Variants in PDE11A observed in about 807,000 individuals in gnomAD.
PDE11A encodes phosphodiesterase 11A.
A neutral mutation model predicts 100.5 loss-of-function variants in PDE11A; 100 were observed. The observed-to-expected ratio is 1.00, with a 90% CI of 0.85 to 1.18. The LOEUF (loss-of-function observed/expected upper bound fraction) is 1.18, where lower values mean the gene tolerates loss of function less well. Among genes scored for constraint, PDE11A ranks in the 50% most tolerant of loss-of-function variants. The pLI is 0.00. For missense variants in PDE11A, 1,141 were observed against 1,152.6 expected (o/e 0.99, Z 0.15); for synonymous variants, 381 against 420.8 (o/e 0.91, Z 1.16).
intron 2 of PDE11A, among the ~76,000 whole-genome samples, chr2:177,921,446 A>AT (rs2085043742): frequency 6.6e-6 from 1 of 150,728 alleles, no homozygotes; most frequent in African/African-American, 2.4e-5. Context: ...AATAAATAAT[A>AT]TTTTGCATAA....
intron 15 of PDE11A, chr2:177,687,458 C>T (rs925360948): frequency 1.3e-5 from 2 of 152,196 alleles, no homozygotes; most frequent in Non-Finnish European, 2.9e-5. Flanking sequence ...CTTGCTTTTT[C>T]CATTCAATGC....
In PDE11A at chr2:178,013,204, T is replaced by A. The variant is rs114202362; in HGVS notation, c.1071+1098A>T. 1.6e-3 allele frequency among the ~76,000 whole-genome samples: 237 copies of A among 152,314 alleles called. 3 individuals carry two copies. Among genetic ancestry groups the A allele is most frequent in the African/African-American group, 5.5e-3 (229 of 41,580 alleles). Reference sequence around the variant, plus strand: ...CAACTTGCTGATGATTCTTGTCTCCTGCCTTGTGTAGCTCCTGGATGACAT... The same window carrying A: ...CAACTTGCTGATGATTCTTGTCTCCAGCCTTGTGTAGCTCCTGGATGACAT... On this transcript the variant is annotated intron_variant, in intron 2 of 19. Transcript: ENST00000286063.
chr2:177,920,246 T>C (rs890783337), intron 2 of PDE11A, among the ~76,000 whole-genome samples: 6 of 151,952 alleles, frequency 3.9e-5, no homozygotes, highest in Non-Finnish European at 7.4e-5. Flanking sequence ...TATCTCAATA[T>C]GTAAAATAAA....
intron 2 of PDE11A, among the ~76,000 whole-genome samples, chr2:177,999,511 T>C (rs1406602369): frequency 2.6e-5 from 4 of 152,160 alleles, no homozygotes; most frequent in Non-Finnish European, 4.4e-5. Flanking sequence ...AGAAGACAGA[T>C]ATGGATAGGT....
At chr2:177,888,136 G>T (rs922024755) in intron 4 of PDE11A, among the ~76,000 whole-genome samples, 4 of 152,184 alleles carry the variant, frequency 2.6e-5, no homozygotes, top group Non-Finnish European at 5.9e-5. Context: ...AGTTTTCATG[G>T]AATTTGCTAA....
intron 5 of PDE11A, among the ~76,000 whole-genome samples, chr2:177,853,856 A>G: frequency 6.9e-6 from 1 of 144,794 alleles, no homozygotes; most frequent in Non-Finnish European, 1.5e-5. Context: ...ATGTGTATAT[A>G]TATCTATATA....
intron 4 of PDE11A, among the ~76,000 whole-genome samples, chr2:177,878,453 G>T (rs1330675772): frequency 6.6e-6 from 1 of 152,150 alleles, no homozygotes; most frequent in African/African-American, 2.4e-5. Context: ...GATGAAATAT[G>T]TGTGCTTGGA....
intron 2 of PDE11A, among the ~76,000 whole-genome samples, chr2:178,009,199 C>T (rs1242121488): frequency 6.6e-6 from 1 of 152,148 alleles, no homozygotes; most frequent in Non-Finnish European, 1.5e-5. Flanking sequence ...ATAATACCTT[C>T]CATCAATCAC....
intron 5 of PDE11A, among the ~76,000 whole-genome samples, chr2:177,872,112 C>T (rs943569472): frequency 7.2e-5 from 11 of 152,114 alleles, no homozygotes; most frequent in African/African-American, 2.7e-4. Flanking sequence ...ACAGAGACTG[C>T]TTTTAATTTT....
At chr2:177,635,181 A>G (rs1333035145) in intron 19 of PDE11A, among the ~76,000 whole-genome samples, 2 of 152,216 alleles carry the variant, frequency 1.3e-5, no homozygotes, top group Admixed American at 6.5e-5. Context: ...ACTGAAATCT[A>G]TACCCCTGTA....
chr2:177,748,470 T>C (rs770375726), intron 10 of PDE11A, among the ~76,000 whole-genome samples: 7 of 152,206 alleles, frequency 4.6e-5, no homozygotes, highest in African/African-American at 1.7e-4. Flanking sequence ...TTCTATCTTA[T>C]CTATTTGCGT....
intron 16 of PDE11A, 134 bp downstream of exon 16, chr2:177,680,692 C>A: frequency 1.8e-6 from 1 of 571,412 alleles, no homozygotes; most frequent in Non-Finnish European, 3.1e-6. Flanking sequence ...TTCAACTGAT[C>A]TCTGAATGTT....
At position 177,628,529 on chromosome 2, in the gene PDE11A, T is replaced by A. The variant is rs1192767911; in HGVS notation, c.*878A>T. The A allele has an allele frequency of 6.6e-6, 1 of 152,428 alleles. No individual in the cohort carries two copies. Among genetic ancestry groups the A allele is most frequent in the Admixed American group, 6.5e-5 (1 of 15,290 alleles). 9.4% of individuals were successfully genotyped at this position (152,428 alleles called of 1,614,324 possible). A position where few individuals can be genotyped will look rare whatever the true frequency, so the allele number is the denominator to read the frequency against. ...TTACTGGTAGTAATCTTAAATTTTATACCAGAACTCCTCACTAGGAGAACT... is the reference window on the plus strand; with the variant it reads ...TTACTGGTAGTAATCTTAAATTTTAAACCAGAACTCCTCACTAGGAGAACT... On this transcript the variant is annotated 3_prime_UTR_variant, in exon 20 of 20. Coordinates refer to ENST00000286063, the MANE Select transcript of PDE11A (RefSeq NM_016953.4).
At chr2:178,061,676 T>C (rs2105865895) in intron 1 of PDE11A, among the ~76,000 whole-genome samples, 1 of 152,338 alleles carries the variant, frequency 6.6e-6, no homozygotes, top group African/African-American at 2.4e-5. Flanking sequence ...ATCTATTCCA[T>C]TTTATACCTT....
intron 12 of PDE11A, among the ~76,000 whole-genome samples, chr2:177,727,433 C>T (rs2081615941): frequency 1.3e-5 from 2 of 152,100 alleles, no homozygotes; most frequent in South Asian, 4.1e-4. Flanking sequence ...TGAACAGAAG[C>T]TCAAGTAATC....
intron 9 of PDE11A, among the ~76,000 whole-genome samples, chr2:177,816,462 TCTC>T (rs10564225): frequency 0.41 from 61,450 of 151,710 alleles, 14,238 homozygotes; most frequent in African/African-American, 0.64. Flanking sequence ...AGTGAATTCT[TCTC>T]CTACGATAAG....
At chr2:177,704,470 C>T (rs16865689) in intron 13 of PDE11A, among the ~76,000 whole-genome samples, 2,597 of 152,116 alleles carry the variant, frequency 0.017, 67 homozygotes, top group African/African-American at 0.059. Flanking sequence ...TGCCTTTTGT[C>T]TCAGGCCAAG....
chr2:177,979,004 C>G (rs1574319434), intron 2 of PDE11A, among the ~76,000 whole-genome samples: 1 of 132,732 alleles, frequency 7.5e-6, no homozygotes, highest in African/African-American at 2.8e-5. Flanking sequence ...GTGCAGCGCA[C>G]CAGCATGGCA....
chr2:177,871,239 CGGGGTTGTTTAG>C (rs2084125649), intron 5 of PDE11A, among the ~76,000 whole-genome samples: 1 of 152,014 alleles, frequency 6.6e-6, no homozygotes, highest in South Asian at 2.1e-4. Flanking sequence ...GGGGTACACT[CGGGGTTGTTTAG>C]GGGCTAGGCA....
Sources: allele counts gnomAD v4.1 joint callset (sites outside exome capture counted in the v4.1 genomes callset), GRCh38; gene constraint gnomAD v4.1.1; transcripts MANE v1.5; gene names NCBI Gene and HGNC (gene_info 2026-07-23, HGNC 2026-07-21).